COL23A1: variants seen among roughly 807,000 people sequenced by gnomAD.
The protein encoded by COL23A1 is collagen type XXIII alpha 1 chain, also known as collagen alpha-1(XXIII) chain.
COL23A1 carries 97 observed loss-of-function variants against 99.3 expected under a neutral mutation model. That is an observed-to-expected ratio of 0.98 (90% CI 0.83 to 1.16). The LOEUF is 1.16. Among genes scored for constraint, COL23A1 ranks in the 50% most tolerant of loss-of-function variants. The pLI is 0.00. For synonymous variants in COL23A1, 320 were observed against 308.2 expected, an observed-to-expected ratio of 1.04 and a Z score of -0.40; for missense variants, 762 against 757.4, an observed-to-expected ratio of 1.01 and a Z score of -0.07.
At chr5:178,534,576 T>C (rs529938) in intron 2 of COL23A1, among the ~76,000 whole-genome samples, 77,028 of 151,928 alleles carry the variant, frequency 0.51, 19,859 homozygotes, top group Non-Finnish European at 0.57. Flanking sequence ...GTCAGGAGTT[T>C]GAGACCAGCT....
chr5:178,427,687 T>C (rs1766019150), intron 2 of COL23A1, among the ~76,000 whole-genome samples: 1 of 152,160 alleles, frequency 6.6e-6, no homozygotes, highest in African/African-American at 2.4e-5. Context: ...ATGCATATTA[T>C]TAGGAGAAAG....
chr5:178,561,422 G>A (rs1349402932), intron 1 of COL23A1, among the ~76,000 whole-genome samples: 1 of 152,182 alleles, frequency 6.6e-6, no homozygotes, highest in African/African-American at 2.4e-5. Context: ...ACCACAGAAC[G>A]AGGGTCAAAA....
At position 178,268,713 on chromosome 5, in the gene COL23A1, C is replaced by A; in HGVS notation, c.495+17G>T. 1.9e-6 allele frequency: 3 copies of A among 1,603,158 alleles called. No individual in the cohort carries two copies. The highest frequency in any genetic ancestry group is 1.7e-6 in the Non-Finnish European group (2 of 1,173,040). On this transcript the variant is annotated intron_variant, in intron 7 of 28. Transcript: ENST00000390654. ...TCGCCTGCCTACCACATCTGCACAG[C>A]CTCTGGCATCACTTACCTTTTCCCC...
chr5:178,262,019 C>A (rs765315448), intron 10 of COL23A1, among the ~76,000 whole-genome samples, 198 bp downstream of exon 10: 1 of 152,224 alleles, frequency 6.6e-6, no homozygotes, highest in South Asian at 2.1e-4. Context: ...GGTGCCTCAC[C>A]CAGCCATTTC....
At chr5:178,518,460 C>T (rs1425159614) in intron 2 of COL23A1, among the ~76,000 whole-genome samples, 5 of 149,282 alleles carry the variant, frequency 3.3e-5, no homozygotes, top group East Asian at 2.1e-4. Context: ...TCCTCACTTC[C>T]CAGTAGGGGC....
intron 2 of COL23A1, among the ~76,000 whole-genome samples, chr5:178,435,967 C>G (rs574886599): frequency 3.7e-4 from 57 of 152,346 alleles, no homozygotes; most frequent in African/African-American, 1.3e-3. Flanking sequence ...GGCAGCCACA[C>G]AGCGGTCATT....
rs1561899234 is a variant in COL23A1 at position 178,358,749 on chromosome 5, GTA to G, written c.362-51832_362-51831del. 2.7e-5 allele frequency among the ~76,000 whole-genome samples: 4 copies of G among 147,534 alleles called. No homozygotes were observed. The South Asian group carries it at 6.6e-4, about 24-fold the overall frequency. ...TATGTGTGTATGTGTATCTGTGTGT[GTA>G]TCTGTGTGTGTGTATGTGTGTGTAT... On this transcript the variant is annotated intron_variant, in intron 2 of 28. Coordinates refer to ENST00000390654, the MANE Select transcript of COL23A1 (RefSeq NM_173465.4).
At chr5:178,407,807 A>G (rs1229034450) in intron 2 of COL23A1, among the ~76,000 whole-genome samples, 9 of 113,338 alleles carry the variant, frequency 7.9e-5, no homozygotes, top group Non-Finnish European at 1.5e-4. Context: ...TAGACTAGGG[A>G]AAAAAAAGGA....
intron 25 of COL23A1, among the ~76,000 whole-genome samples, chr5:178,245,390 G>C (rs1764630316): frequency 7.0e-6 from 1 of 143,184 alleles, no homozygotes; most frequent in Non-Finnish European, 1.5e-5. Context: ...ATAGTGGATA[G>C]ATAGATGAAT....
At chr5:178,505,637 G>A (rs1758824425) in intron 2 of COL23A1, among the ~76,000 whole-genome samples, 1 of 152,132 alleles carries the variant, frequency 6.6e-6, no homozygotes, top group Non-Finnish European at 1.5e-5. Flanking sequence ...ATGTGCAAAG[G>A]CTCTATTTCC....
At chr5:178,565,527 G>A (rs760954587) in intron 1 of COL23A1, among the ~76,000 whole-genome samples, 6 of 151,774 alleles carry the variant, frequency 4.0e-5, no homozygotes, top group African/African-American at 1.5e-4. Flanking sequence ...CCCTTTAAAC[G>A]TTCTCTTTTG....
At position 178,280,448 on chromosome 5, in the gene COL23A1, T is replaced by C. The variant is rs181923865; in HGVS notation, c.441+7876A>G. On this transcript the variant is annotated intron_variant, in intron 5 of 28. Coordinates refer to ENST00000390654, the MANE Select transcript of COL23A1 (RefSeq NM_173465.4). The surrounding 1 kb of genome is among the most constrained non-coding windows in gnomAD (Gnocchi z 4.9). The stretch of plus-strand genomic sequence containing the variant: ...GGCCAGGGACGTGCCTGAGGCCACA[T>C]GGACTATAGACCCCTGGGCCCATTC... Among the ~76,000 whole-genome samples the C allele has an allele frequency of 8.0e-3, 1,220 of 152,196 alleles. 14 individuals are homozygous for C. The highest frequency in any genetic ancestry group is 0.065 in the Middle Eastern group (19 of 294).
intron 2 of COL23A1, among the ~76,000 whole-genome samples, chr5:178,369,215 G>A (rs1489749288): frequency 6.6e-6 from 1 of 152,164 alleles, no homozygotes; most frequent in Non-Finnish European, 1.5e-5. Context: ...CTGTCCAGGG[G>A]AGACGAACAG....
At chr5:178,336,580 G>A (rs1270038082) in intron 2 of COL23A1, among the ~76,000 whole-genome samples, 2 of 152,172 alleles carry the variant, frequency 1.3e-5, no homozygotes, top group Admixed American at 6.5e-5. Flanking sequence ...CGCAGAGGCC[G>A]GGGAGAGCCA....
chr5:178,456,894 C>T (rs1412745284), intron 2 of COL23A1, among the ~76,000 whole-genome samples: 1 of 152,174 alleles, frequency 6.6e-6, no homozygotes, highest in East Asian at 1.9e-4. Flanking sequence ...CCTCCACAGA[C>T]AATTCAAAAT....
At chr5:178,580,290 T>C (rs553905116) in intron 1 of COL23A1, among the ~76,000 whole-genome samples, 2 of 150,956 alleles carry the variant, frequency 1.3e-5, no homozygotes, top group Admixed American at 1.3e-4. Context: ...ATCGTGCCAT[T>C]GCACTCCAGC....
intron 1 of COL23A1, among the ~76,000 whole-genome samples, chr5:178,575,173 A>T (rs1014480662): frequency 7.0e-6 from 1 of 143,654 alleles, no homozygotes; most frequent in African/African-American, 2.6e-5. Flanking sequence ...ATGAAAAGAA[A>T]AGTGTCCTCC....
intron 2 of COL23A1, among the ~76,000 whole-genome samples, chr5:178,357,662 G>A (rs1761735505): frequency 6.6e-6 from 1 of 152,202 alleles, no homozygotes; most frequent in African/African-American, 2.4e-5. Context: ...TTACCCATCA[G>A]CTGAAATTTT....
At chr5:178,399,534 C>T (rs183432448) in intron 2 of COL23A1, among the ~76,000 whole-genome samples, 84 of 152,294 alleles carry the variant, frequency 5.5e-4, no homozygotes, top group Non-Finnish European at 8.5e-4. Flanking sequence ...GAGCAGCTGA[C>T]GGCAGGCTGT....
Sources: gnomAD v4.1 joint callset for allele counts (sites outside exome capture counted in the v4.1 genomes callset) on GRCh38, gnomAD v4.1.1 for gene constraint, Gnocchi (gnomAD v3.1) non-coding constraint, MANE v1.5 for transcripts, NCBI Gene and HGNC (gene_info 2026-07-23, HGNC 2026-07-21) for gene names.